MARS1: variants seen among roughly 807,000 people sequenced by gnomAD.
MARS1 encodes the protein methionyl-tRNA synthetase 1.
MARS1 carries 80 observed loss-of-function variants against 119.5 expected under a neutral mutation model. That is an observed-to-expected ratio of 0.67 (90% CI 0.56 to 0.81). The LOEUF is 0.81. Ranked by LOEUF, MARS1 falls within the 30% of genes least tolerant of loss-of-function variation. The probability of loss-of-function intolerance (pLI) is 0.00; values close to 1 mark genes in which losing one functional copy is unlikely to be tolerated. For missense variants in MARS1, 945 were observed against 1,116.5 expected (o/e 0.85, Z 2.19); for synonymous variants, 418 against 433.4 (o/e 0.96, Z 0.44).
In MARS1 at chr12:57,512,336, G is replaced by A. The variant is rs763195113; in HGVS notation, c.1736G>A (p.Ser579Asn). The A allele has an allele frequency of 6.2e-7, 1 of 1,613,508 alleles. No individual in the cohort carries two copies. Among genetic ancestry groups the A allele is most frequent in the East Asian group, 2.2e-5 (1 of 44,870 alleles). Reference sequence around the variant, plus strand: ...GCTGAGGATAACTATACCTTGGTCAGCCACCTCATTGCTACAGGTAAGTAC... The same window carrying A: ...GCTGAGGATAACTATACCTTGGTCAACCACCTCATTGCTACAGGTAAGTAC... Reference protein sequence around the residue: ...LGAEDNYTLVSHLIATEYLNY... With the variant: ...LGAEDNYTLVNHLIATEYLNY... The change falls in exon 14 of 21, where the codon AGC becomes AAC. Residue 579 changes from serine (S) to asparagine (N), a missense_variant. Ser to Asn is a conservative substitution (Grantham distance 46). Transcript: ENST00000262027.
intron 11 of MARS1, among the ~76,000 whole-genome samples, chr12:57,509,488 C>T (rs1877404665): frequency 6.6e-6 from 1 of 151,812 alleles, no homozygotes; most frequent in South Asian, 2.1e-4. Flanking sequence ...CTCACTGCAA[C>T]TGCCATCTCC....
intron 10 of MARS1, among the ~76,000 whole-genome samples, chr12:57,502,993 T>C (rs570896806): frequency 6.6e-6 from 1 of 152,156 alleles, no homozygotes; most frequent in Non-Finnish European, 1.5e-5. Context: ...ACCACTGCAC[T>C]CCAGTCTGGG....
intron 1 of MARS1, chr12:57,488,506 C>A: frequency 1.4e-6 from 2 of 1,452,346 alleles, no homozygotes; most frequent in Middle Eastern, 1.7e-4. Context: ...CAGGCATCCC[C>A]CTCTGCTCTT....
chr12:57,498,106 G>C lies in MARS1; in HGVS notation c.771-51G>C, dbSNP rs768682116. 4 of 1,208,850 alleles carry C rather than the reference G, an allele frequency of 3.3e-6. No homozygotes were observed. In the African/African-American group the frequency reaches 6.0e-5, roughly 18 times the overall value. 74.9% of individuals were successfully genotyped at this position (1,208,850 alleles called of 1,614,324 possible). A position where few individuals can be genotyped will look rare whatever the true frequency, so the allele number is the denominator to read the frequency against. On this transcript the variant is annotated intron_variant, in intron 7 of 20. Coordinates refer to ENST00000262027, the MANE Select transcript of MARS1 (RefSeq NM_004990.4). Reference sequence around the variant, plus strand: ...GGTGTTCTGTGCACTTTTCGTCCCTGTTGACCCTCACATCCCCCCATGCAC... The same window carrying C: ...GGTGTTCTGTGCACTTTTCGTCCCTCTTGACCCTCACATCCCCCCATGCAC...
At chr12:57,488,471 C>T (rs893343752) in intron 1 of MARS1, 4 of 1,244,308 alleles carry the variant, frequency 3.2e-6, no homozygotes, top group Admixed American at 4.2e-5. Flanking sequence ...CTGCTCTTCC[C>T]TTCCCAACCT....
intron 20 of MARS1, 39 bp from the exon 21 acceptor site, chr12:57,516,396 C>G: frequency 6.2e-7 from 1 of 1,611,718 alleles, no homozygotes; most frequent in Non-Finnish European, 8.5e-7. Context: ...AGATCTTTTT[C>G]TTGCCTCACT....
At chr12:57,494,340 T>C (rs1876467112) in intron 7 of MARS1, among the ~76,000 whole-genome samples, 1 of 146,038 alleles carries the variant, frequency 6.8e-6, no homozygotes, top group South Asian at 2.2e-4. Flanking sequence ...TTTTTTTTTT[T>C]TTTTTGAGAT....
At position 57,498,236 on chromosome 12, in the gene MARS1, A is replaced by G. The variant is rs768027602; in HGVS notation, c.850A>G (p.Ile284Val). Reference sequence around the variant, plus strand: ...CAACAATGTCCCCCACCTTGGGAACATCATTGGTTGTGTGCTCAGTGCCGA... The same window carrying G: ...CAACAATGTCCCCCACCTTGGGAACGTCATTGGTTGTGTGCTCAGTGCCGA... ...YVNNVPHLGNIIGCVLSADVF... is the reference protein window; with the variant it reads ...YVNNVPHLGNVIGCVLSADVF... The change falls in exon 8 of 21, where the codon ATC (isoleucine) becomes GTC (valine). Residue 284 changes from isoleucine to valine, a missense_variant. Coordinates refer to ENST00000262027, the MANE Select transcript of MARS1 (RefSeq NM_004990.4). 3 of 1,614,080 alleles carry G rather than the reference A, an allele frequency of 1.9e-6. No individual in the cohort carries two copies. The African/African-American group carries it at 4.0e-5, about 22-fold the overall frequency.
rs144386314 is a variant in MARS1, at chr12:57,509,868, C to G, written c.1369-1830C>G. Among the ~76,000 whole-genome samples the G allele has an allele frequency of 3.9e-5, 6 of 152,322 alleles. No individual in the cohort carries two copies. The East Asian group carries it at 1.2e-3, about 29-fold the overall frequency. ...AGGCATCAGCACATTTACTTATTAG[C>G]TCAATCCTACAATATACCTAAAACA... is the stretch of plus-strand genomic sequence containing the variant. On this transcript the variant is annotated intron_variant, in intron 11 of 20. Coordinates refer to ENST00000262027, the MANE Select transcript of MARS1 (RefSeq NM_004990.4).
intron 7 of MARS1, among the ~76,000 whole-genome samples, chr12:57,492,659 C>T (rs954871525): frequency 2.1e-5 from 3 of 144,268 alleles, no homozygotes; most frequent in East Asian, 2.0e-4. Flanking sequence ...CAACAGAGCG[C>T]GACTCCATTT....
At chr12:57,497,790 A>G (rs376989667) in intron 7 of MARS1, among the ~76,000 whole-genome samples, 3 of 152,056 alleles carry the variant, frequency 2.0e-5, no homozygotes, top group Non-Finnish European at 4.4e-5. Flanking sequence ...AGCGCTGGGA[A>G]AGTGTTCTTG....
Position 57,494,312 on chromosome 12 carries a change from ACTT to A in MARS1, c.770+3675_770+3677del, listed in dbSNP as rs1486097840. On this transcript the variant is annotated intron_variant, in intron 7 of 20. Coordinates refer to ENST00000262027, the MANE Select transcript of MARS1 (RefSeq NM_004990.4). ...GGATTCAGTTTAATACTAAGCACTT[ACTT>A]CTTCTTTTTTTTCTTTTTTTTTTTT... 4.0e-4 allele frequency among the ~76,000 whole-genome samples: 59 copies of A among 146,402 alleles called. No homozygotes were observed. The East Asian group carries it at 4.2e-3, about 10-fold the overall frequency.
At chr12:57,498,386 G>A (rs373069431) in intron 8 of MARS1, 34 bp from the exon 9 acceptor site, 13 of 1,607,660 alleles carry the variant, frequency 8.1e-6, no homozygotes, top group African/African-American at 5.4e-5. Flanking sequence ...GCGCTGAAGC[G>A]GGGCCCCCTA....
chr12:57,515,926 C>A lies in MARS1; in HGVS notation c.2398C>A (p.Pro800Thr), dbSNP rs781249411. 30 of 1,613,750 alleles carry A rather than the reference C, an allele frequency of 1.9e-5. No individual in the cohort carries two copies. The East Asian group carries it at 6.5e-4, about 35-fold the overall frequency. Residue 800 changes from proline to threonine, a missense_variant, in exon 19 of 21, where the codon CCC (proline) becomes ACC (threonine). Coordinates refer to ENST00000262027, the MANE Select transcript of MARS1 (RefSeq NM_004990.4). ...TGGAACTCTTTTTTTACAGGTCAGT[C>A]CCTTGTTCCAAAAATTGGAAAATGA... is the stretch of plus-strand genomic sequence containing the variant. The part of the protein sequence containing the change: ...PAGHQIGTVS[P>T]LFQKLENDQI...
rs759831925 is a variant in MARS1, at chr12:57,512,361, C to T, written c.1753+8C>T. 1.5e-5 allele frequency: 24 copies of T among 1,584,524 alleles called. No individual in the cohort carries two copies. The East Asian group carries it at 4.9e-4, about 32-fold the overall frequency. Reference sequence around the variant, plus strand: ...GCCACCTCATTGCTACAGGTAAGTACCCTGGAAGACTACTGATGGGGTGTT... The same window carrying T: ...GCCACCTCATTGCTACAGGTAAGTATCCTGGAAGACTACTGATGGGGTGTT... On this transcript the variant is annotated splice_region_variant and intron_variant, in intron 14 of 20. Transcript: ENST00000262027.
chr12:57,513,904 A>T (rs568650540), intron 15 of MARS1, among the ~76,000 whole-genome samples: 1 of 151,008 alleles, frequency 6.6e-6, no homozygotes, highest in Non-Finnish European at 1.5e-5. Flanking sequence ...CTCCACTAAA[A>T]ATACAAAAAG....
At chr12:57,488,599 C>G in intron 1 of MARS1, 2 of 1,551,054 alleles carry the variant, frequency 1.3e-6, no homozygotes, top group Non-Finnish European at 1.7e-6. Context: ...CACACACGTT[C>G]CTTTCTGTTT....
At chr12:57,512,445 G>C in intron 14 of MARS1, 92 bp downstream of exon 14, 1 of 876,100 alleles carries the variant, frequency 1.1e-6, no homozygotes, top group East Asian at 2.4e-5. Flanking sequence ...CTGCTATCTT[G>C]AGTTAGGAGT....
chr12:57,500,190 C>G, intron 9 of MARS1, 131 bp from the exon 10 acceptor site: 1 of 742,550 alleles, frequency 1.3e-6, no homozygotes, highest in Non-Finnish European at 2.4e-6. Context: ...TGAATAGATG[C>G]CCTTTTCCTT....
Sources: allele counts gnomAD v4.1 joint callset (sites outside exome capture counted in the v4.1 genomes callset), GRCh38; gene constraint gnomAD v4.1.1; transcripts MANE v1.5; gene names NCBI Gene and HGNC (gene_info 2026-07-23, HGNC 2026-07-21).